LGR5: variants seen among roughly 807,000 people sequenced by gnomAD.
LGR5 encodes the protein leucine-rich repeat-containing G protein-coupled receptor 5.
In LGR5, 54 loss-of-function variants were observed where a neutral mutation model predicts 76.7. The ratio of observed to expected loss-of-function variants is 0.70; its 90% confidence interval spans 0.57 to 0.88. The LOEUF (loss-of-function observed/expected upper bound fraction) is 0.88. Among genes scored for constraint, LGR5 ranks in the 40% least tolerant of loss-of-function variants. The pLI is 0.00. For synonymous variants in LGR5, 406 were observed against 421.9 expected (o/e 0.96, Z 0.46); for missense variants, 1,078 against 1,073.3 (o/e 1.00, Z -0.06).
chr12:71,494,163 G>A (rs1253984121), intron 1 of LGR5, among the ~76,000 whole-genome samples: 1 of 150,748 alleles, frequency 6.6e-6, no homozygotes, highest in Non-Finnish European at 1.5e-5. Flanking sequence ...AGCCAGGATG[G>A]TCTTGATCTC....
chr12:71,546,641 T>A lies in LGR5; in HGVS notation c.429-6432T>A, dbSNP rs541920573. The stretch of plus-strand genomic sequence containing the variant: ...CACTTCCTTCAGGCACTGATCTTTC[T>A]CACCCTGATGACTGCAACTGCCTTG... On this transcript the variant is annotated intron_variant, in intron 4 of 17. Coordinates refer to ENST00000266674, the MANE Select transcript of LGR5 (RefSeq NM_003667.4). 2.0e-5 allele frequency among the ~76,000 whole-genome samples: 3 copies of A among 152,210 alleles called. No individual in the cohort carries two copies. In the East Asian group the frequency reaches 5.8e-4, roughly 30 times the overall value.
At chr12:71,448,063 C>T (rs925981492) in intron 1 of LGR5, among the ~76,000 whole-genome samples, 10 of 134,644 alleles carry the variant, frequency 7.4e-5, no homozygotes, top group South Asian at 2.2e-4. Context: ...CCTTCCTCCT[C>T]GTCTCCCTCA....
intron 1 of LGR5, among the ~76,000 whole-genome samples, chr12:71,504,229 G>A (rs1350766669): frequency 6.6e-6 from 1 of 152,162 alleles, no homozygotes; most frequent in Non-Finnish European, 1.5e-5. Context: ...GAGTTGCACA[G>A]TGAAGACATT....
At chr12:71,527,333 A>G (rs1000399260) in intron 3 of LGR5, among the ~76,000 whole-genome samples, 4 of 152,212 alleles carry the variant, frequency 2.6e-5, no homozygotes, top group Admixed American at 1.3e-4. Flanking sequence ...GGTAATTTAT[A>G]AAGAAGAGAA....
At position 71,572,940 on chromosome 12, in the gene LGR5, T is replaced by G. The variant is rs751244926; in HGVS notation, c.1208+19T>G. On this transcript the variant is annotated intron_variant, in intron 13 of 17. Transcript: ENST00000266674. ...GATCGCTGTGAGTATCACCTCCCAG[T>G]GCGTTCCCCAGCACAGAGCATTTTC... The G allele has an allele frequency of 6.3e-7, 1 of 1,587,766 alleles. No individual in the cohort carries two copies. Among genetic ancestry groups the G allele is most frequent in the Non-Finnish European group, 8.7e-7 (1 of 1,156,014 alleles).
Position 71,580,713 on chromosome 12 carries a change from G to A in LGR5, c.1552+290G>A, listed in dbSNP as rs538117884. On this transcript the variant is annotated intron_variant, in intron 16 of 17. Coordinates refer to ENST00000266674, the MANE Select transcript of LGR5 (RefSeq NM_003667.4). ...CTTGGGAGGCTGAGGTATGAGAATCGCTTCAACCCGGGAGGCAGGTTGATT... is the reference window on the plus strand; with the variant it reads ...CTTGGGAGGCTGAGGTATGAGAATCACTTCAACCCGGGAGGCAGGTTGATT... 4.6e-5 allele frequency among the ~76,000 whole-genome samples: 7 copies of A among 152,102 alleles called. No homozygotes were observed. In the South Asian group the frequency reaches 8.3e-4, roughly 18 times the overall value.
At chr12:71,537,446 G>A (rs1322589845) in intron 4 of LGR5, among the ~76,000 whole-genome samples, 2 of 151,904 alleles carry the variant, frequency 1.3e-5, no homozygotes, top group Non-Finnish European at 2.9e-5. Flanking sequence ...CTGCACTCCA[G>A]CCTGAGCTAC....
intron 1 of LGR5, among the ~76,000 whole-genome samples, chr12:71,465,586 G>A (rs181058139): frequency 1.8e-4 from 28 of 152,250 alleles, no homozygotes; most frequent in Admixed American, 5.9e-4. Context: ...AACAGCCTCA[G>A]AATACTACCA....
intron 1 of LGR5, among the ~76,000 whole-genome samples, chr12:71,458,825 T>A (rs1404559168): frequency 6.6e-6 from 1 of 152,042 alleles, no homozygotes; most frequent in Non-Finnish European, 1.5e-5. Flanking sequence ...GCAGCAGAAA[T>A]TTTTTAAATG....
intron 1 of LGR5, among the ~76,000 whole-genome samples, chr12:71,497,050 A>G (rs1245339027): frequency 6.6e-6 from 1 of 152,120 alleles, no homozygotes; most frequent in Non-Finnish European, 1.5e-5. Flanking sequence ...GCGCAGTGGC[A>G]TGCCTGTAAT....
rs1879286044 is a variant in LGR5, at chr12:71,585,555, GA to G, written c.*824del. On this transcript the variant is annotated 3_prime_UTR_variant, in exon 18 of 18. Transcript: ENST00000266674. ...GCCAGCAATGAACATACCTGGAAAA[GA>G]AAGTAAGCAATCTGGGATTTTTTTT... 1 of 152,218 alleles carries G rather than the reference GA, an allele frequency of 6.6e-6. No individual in the cohort carries two copies. The highest frequency in any genetic ancestry group is 1.5e-5 in the Non-Finnish European group (1 of 68,020). The allele number at this position is 152,218 out of a possible 1,614,324, so 9.4% of individuals were successfully genotyped here. A position where few individuals can be genotyped will look rare whatever the true frequency, so the allele number is the denominator to read the frequency against.
chr12:71,557,271 C>G (rs376550008), intron 6 of LGR5, among the ~76,000 whole-genome samples: 3 of 152,126 alleles, frequency 2.0e-5, no homozygotes, highest in African/African-American at 7.2e-5. Flanking sequence ...GGTGACAGAG[C>G]AAGACCTTGT....
chr12:71,512,072 A>G (rs1875184319), intron 2 of LGR5, among the ~76,000 whole-genome samples: 1 of 152,058 alleles, frequency 6.6e-6, no homozygotes, highest in Admixed American at 6.6e-5. Flanking sequence ...GCTCATTGCT[A>G]CTTCCACCCC....
chr12:71,449,211 T>C (rs978235819), intron 1 of LGR5, among the ~76,000 whole-genome samples: 1 of 152,166 alleles, frequency 6.6e-6, no homozygotes, highest in African/African-American at 2.4e-5. Context: ...AACTAGAAGA[T>C]GAAGGGAAGT....
intron 2 of LGR5, among the ~76,000 whole-genome samples, chr12:71,507,535 C>A (rs939483178): frequency 7.2e-5 from 11 of 152,108 alleles, no homozygotes; most frequent in Admixed American, 7.2e-4. Flanking sequence ...CTATGATATA[C>A]TATCTATGAG....
chr12:71,488,670 G>A (rs548938056), intron 1 of LGR5, among the ~76,000 whole-genome samples: 14 of 152,246 alleles, frequency 9.2e-5, no homozygotes, highest in East Asian at 7.7e-4. Flanking sequence ...TCAAAGACAC[G>A]GGTCTCCTTG....
chr12:71,566,981 T>G (rs1878383720), intron 11 of LGR5, 69 bp downstream of exon 11: 2 of 1,163,964 alleles, frequency 1.7e-6, no homozygotes, highest in Non-Finnish European at 2.6e-6. Context: ...ATGGCAGACA[T>G]GATTTCAATA....
intron 3 of LGR5, among the ~76,000 whole-genome samples, chr12:71,533,870 C>A (rs1053511129): frequency 6.6e-6 from 1 of 152,120 alleles, no homozygotes; most frequent in Non-Finnish European, 1.5e-5. Context: ...TATTCTTAAC[C>A]ATACCGTTCA....
At chr12:71,488,249 A>G (rs1369801178) in intron 1 of LGR5, among the ~76,000 whole-genome samples, 1 of 152,216 alleles carries the variant, frequency 6.6e-6, no homozygotes, top group Non-Finnish European at 1.5e-5. Context: ...TCTTTAGCCA[A>G]TGGAAAATAG....
Sources: gnomAD v4.1 joint callset for allele counts (sites outside exome capture counted in the v4.1 genomes callset) on GRCh38, gnomAD v4.1.1 for gene constraint, MANE v1.5 for transcripts, NCBI Gene and HGNC (gene_info 2026-07-23, HGNC 2026-07-21) for gene names.